The following NLGN1 variants were observed in gnomAD, a reference collection of about 807,000 sequenced individuals.
The protein encoded by NLGN1 is neuroligin-1.
In NLGN1, 12 loss-of-function variants were observed where a neutral mutation model predicts 65.5. That is an observed-to-expected ratio of 0.18 (90% CI 0.12 to 0.30). NLGN1 has a LOEUF of 0.30. NLGN1 is among the 10% of genes least tolerant of loss of function. The pLI, the probability that NLGN1 is intolerant of heterozygous loss-of-function variation, is 1.00. For synonymous variants in NLGN1, 350 were observed against 359.5 expected (o/e 0.97, Z 0.30); for missense variants, 750 against 1,007.1 (o/e 0.74, Z 3.46).
intron 4 of NLGN1, among the ~76,000 whole-genome samples, chr3:174,025,691 A>G (rs932823498): frequency 6.6e-6 from 1 of 152,194 alleles, no homozygotes; most frequent in African/African-American, 2.4e-5. Flanking sequence ...CAAAAATTAG[A>G]AAGATGAGTA....
intron 4 of NLGN1, among the ~76,000 whole-genome samples, chr3:174,205,707 T>G (rs577305045): frequency 3.9e-5 from 6 of 152,276 alleles, no homozygotes; most frequent in Non-Finnish European, 7.4e-5. Flanking sequence ...GAAAAGGAAA[T>G]ACCTAGACAG....
intron 4 of NLGN1, among the ~76,000 whole-genome samples, chr3:174,026,194 A>G (rs1364001301): frequency 6.6e-6 from 1 of 152,124 alleles, no homozygotes; most frequent in Non-Finnish European, 1.5e-5. Flanking sequence ...TGGCACAATC[A>G]CTGCTCACTG....
At chr3:174,230,807 A>T (rs1740568986) in intron 4 of NLGN1, among the ~76,000 whole-genome samples, 1 of 152,208 alleles carries the variant, frequency 6.6e-6, no homozygotes, top group South Asian at 2.1e-4. Context: ...AATAAATTAA[A>T]AAATTATAGT....
At chr3:173,768,962 G>T (rs113898683) in intron 3 of NLGN1, among the ~76,000 whole-genome samples, 1 of 151,982 alleles carries the variant, frequency 6.6e-6, no homozygotes, top group South Asian at 2.1e-4. Flanking sequence ...TAGAGGCAGG[G>T]TTTCGCCATG....
At chr3:173,414,423 A>G (rs990435553) in intron 1 of NLGN1, among the ~76,000 whole-genome samples, 1 of 152,162 alleles carries the variant, frequency 6.6e-6, no homozygotes, top group Non-Finnish European at 1.5e-5. Flanking sequence ...CTAGGAAACC[A>G]ATGGACTTAA....
chr3:174,260,503 A>G (rs1354118708), intron 4 of NLGN1, among the ~76,000 whole-genome samples: 2 of 151,710 alleles, frequency 1.3e-5, no homozygotes, highest in African/African-American at 4.9e-5. Flanking sequence ...GTGTCTGTTC[A>G]TGACCTTCAC....
intron 4 of NLGN1, among the ~76,000 whole-genome samples, chr3:173,837,999 A>G (rs1345595287): frequency 6.6e-6 from 1 of 152,188 alleles, no homozygotes; most frequent in Non-Finnish European, 1.5e-5. Flanking sequence ...AAGCTGAAAA[A>G]TATTTAATTA....
intron 4 of NLGN1, among the ~76,000 whole-genome samples, chr3:174,034,754 A>C (rs1730762675): frequency 6.6e-6 from 1 of 152,188 alleles, no homozygotes; most frequent in Admixed American, 6.5e-5. Flanking sequence ...AAAATGCAGA[A>C]AAAATTTGAG....
chr3:173,766,601 T>C (rs1349671846), intron 3 of NLGN1, among the ~76,000 whole-genome samples: 1 of 152,146 alleles, frequency 6.6e-6, no homozygotes, highest in Non-Finnish European at 1.5e-5. Context: ...TATTATGTTA[T>C]TTCTCTATTT....
chr3:174,262,499 G>C (rs1747141231), intron 4 of NLGN1, among the ~76,000 whole-genome samples: 1 of 123,634 alleles, frequency 8.1e-6, no homozygotes, highest in African/African-American at 3.2e-5. Context: ...TTCTCTGATG[G>C]TAGTTTGTAT....
At chr3:173,851,668 T>G (rs147315070) in intron 4 of NLGN1, among the ~76,000 whole-genome samples, 1,949 of 152,216 alleles carry the variant, frequency 0.013, 31 homozygotes, top group Non-Finnish European at 0.019. Context: ...CCCTTGACCT[T>G]CTTGGGTCAG....
intron 2 of NLGN1, among the ~76,000 whole-genome samples, chr3:173,535,936 CAT>C (rs1737362895): frequency 6.6e-6 from 1 of 152,156 alleles, no homozygotes; most frequent in Non-Finnish European, 1.5e-5. Context: ...CTGTCTGAGA[CAT>C]ATTAACTCGT....
chr3:173,672,770 T>C (rs1302752595), intron 3 of NLGN1, among the ~76,000 whole-genome samples: 2 of 152,222 alleles, frequency 1.3e-5, no homozygotes, highest in Non-Finnish European at 2.9e-5. Context: ...TATTCTCAAG[T>C]TGAAGTACCT....
intron 4 of NLGN1, among the ~76,000 whole-genome samples, chr3:174,272,240 A>G (rs1172959199): frequency 2.0e-5 from 3 of 151,732 alleles, no homozygotes; most frequent in South Asian, 2.1e-4. Context: ...GAGCACTTCA[A>G]TGTAAAGTTT....
At chr3:173,548,593 G>A (rs1740309819) in intron 2 of NLGN1, among the ~76,000 whole-genome samples, 1 of 151,582 alleles carries the variant, frequency 6.6e-6, no homozygotes, top group Admixed American at 6.6e-5. Flanking sequence ...ACTTTCTGAA[G>A]GAAAATACAG....
At chr3:173,766,930 A>T (rs951050512) in intron 3 of NLGN1, among the ~76,000 whole-genome samples, 32 of 152,198 alleles carry the variant, frequency 2.1e-4, no homozygotes, top group Admixed American at 8.5e-4. Flanking sequence ...ATCTAGATAA[A>T]TGATTTTGAA....
intron 4 of NLGN1, among the ~76,000 whole-genome samples, chr3:174,238,445 C>G (rs924899124): frequency 6.6e-6 from 1 of 152,058 alleles, no homozygotes; most frequent in Non-Finnish European, 1.5e-5. Context: ...TCACTGCAAC[C>G]TCTACCTTCA....
At chr3:173,856,919 A>G (rs1728087019) in intron 4 of NLGN1, among the ~76,000 whole-genome samples, 4 of 151,906 alleles carry the variant, frequency 2.6e-5, no homozygotes, top group Admixed American at 2.6e-4. Flanking sequence ...GAATAATATC[A>G]CCATTCTTCC....
chr3:173,726,061 A>G (rs1049083277), intron 3 of NLGN1, among the ~76,000 whole-genome samples: 2 of 152,094 alleles, frequency 1.3e-5, no homozygotes, highest in Non-Finnish European at 2.9e-5. Context: ...CACCTTTGTC[A>G]TAGAACATAA....
Sources: allele counts gnomAD v4.1 joint callset (sites outside exome capture counted in the v4.1 genomes callset), GRCh38; gene constraint gnomAD v4.1.1; transcripts MANE v1.5; gene names NCBI Gene and HGNC (gene_info 2026-07-23, HGNC 2026-07-21).